ITPR1: variants seen among roughly 807,000 people sequenced by gnomAD.
ITPR1 encodes the protein inositol 1,4,5-trisphosphate-gated calcium channel ITPR1.
A neutral mutation model predicts 318.4 loss-of-function variants in ITPR1; 96 were observed. The ratio of observed to expected loss-of-function variants is 0.30; its 90% confidence interval spans 0.26 to 0.36. The LOEUF (loss-of-function observed/expected upper bound fraction) is 0.36, where lower values mean the gene tolerates loss of function less well. Ranked by LOEUF, ITPR1 falls within the 10% of genes least tolerant of loss-of-function variation. The pLI, the probability that ITPR1 is intolerant of heterozygous loss-of-function variation, is 1.00. For missense variants in ITPR1, 2,440 were observed against 3,460.2 expected (o/e 0.71, Z 7.40); for synonymous variants, 1,312 against 1,289.9 (o/e 1.02, Z -0.37).
At chr3:4,667,573 C>G (rs1449807426) in intron 18 of ITPR1, 24 bp downstream of exon 18, 1 of 1,598,460 alleles carries the variant, frequency 6.3e-7, no homozygotes, top group Admixed American at 1.7e-5. Context: ...GGGGTCCATG[C>G]AGGATGGTGT....
At chr3:4,735,750 A>G (rs11921036) in intron 44 of ITPR1, 28,108 of 175,054 alleles carry the variant, frequency 0.16, 2,395 homozygotes, top group African/African-American at 0.2. Flanking sequence ...TGTGTGTGCT[A>G]TTTAGAAGAT....
intron 60 of ITPR1, among the ~76,000 whole-genome samples, chr3:4,835,935 A>G (rs1485641055): frequency 1.3e-5 from 2 of 152,200 alleles, no homozygotes; most frequent in Non-Finnish European, 2.9e-5. Flanking sequence ...AGTTGCCAGC[A>G]CCCATCAACC....
At chr3:4,534,843 G>T (rs2083716596) in intron 4 of ITPR1, among the ~76,000 whole-genome samples, 1 of 152,182 alleles carries the variant, frequency 6.6e-6, no homozygotes, top group Admixed American at 6.5e-5. Flanking sequence ...CCAGAATCGT[G>T]GCATTTGAGG....
At chr3:4,839,053 C>G (rs567836317) in intron 61 of ITPR1, among the ~76,000 whole-genome samples, 1 of 152,190 alleles carries the variant, frequency 6.6e-6, no homozygotes, top group African/African-American at 2.4e-5. Flanking sequence ...TAGTGCCGGG[C>G]GTGGTGGCTC....
intron 35 of ITPR1, among the ~76,000 whole-genome samples, chr3:4,702,545 G>A (rs1056198733): frequency 6.6e-6 from 1 of 152,196 alleles, no homozygotes; most frequent in African/African-American, 2.4e-5. Context: ...TTGAACTGTG[G>A]ATCCATTGCT....
At chr3:4,558,098 C>G (rs1370193707) in intron 4 of ITPR1, among the ~76,000 whole-genome samples, 1 of 152,148 alleles carries the variant, frequency 6.6e-6, no homozygotes. Context: ...AAAATTGGAA[C>G]GTATGCTTAA....
At chr3:4,678,271 C>G (rs2094224096) in intron 24 of ITPR1, among the ~76,000 whole-genome samples, 1 of 151,996 alleles carries the variant, frequency 6.6e-6, no homozygotes, top group African/African-American at 2.4e-5. Context: ...TTTTTTAAAA[C>G]TTTATTTTTT....
Position 4,806,230 on chromosome 3 carries a change from T to C in ITPR1, c.7235T>C (p.Met2412Thr). The change falls in exon 55 of 62, where the codon ATG (methionine) becomes ACG (threonine). Residue 2412 changes from methionine (M) to threonine (T), a missense_variant. By Grantham distance (81) the Met-to-Thr change is moderately conservative. Transcript: ENST00000649015. ...YHLLYLVICA[M>T]GLFVHEFFYS... ...TTGTTGTATCTGGTGATCTGTGCCA[T>C]GGGGCTCTTTGTCCATGAATTCTTC... The C allele has an allele frequency of 6.2e-7, 1 of 1,614,076 alleles. No individual in the cohort carries two copies. The highest frequency in any genetic ancestry group is 8.5e-7 in the Non-Finnish European group (1 of 1,179,888).
intron 44 of ITPR1, among the ~76,000 whole-genome samples, chr3:4,753,097 G>C (rs926072984): frequency 1.3e-5 from 2 of 152,212 alleles, no homozygotes; most frequent in Non-Finnish European, 2.9e-5. Context: ...GAGTAGCAGA[G>C]GGCAAGAGTA....
intron 23 of ITPR1, 44 bp downstream of exon 23, chr3:4,675,292 G>C (rs778170655): frequency 3.5e-6 from 5 of 1,425,806 alleles, no homozygotes; most frequent in Non-Finnish European, 4.9e-6. Context: ...ATGCCCTCCA[G>C]CCTTTCCTGT....
intron 46 of ITPR1, among the ~76,000 whole-genome samples, chr3:4,772,172 C>T (rs1041252921): frequency 7.2e-5 from 11 of 152,230 alleles, no homozygotes; most frequent in African/African-American, 2.4e-4. Context: ...CATTCTGTGG[C>T]AATATCCCAG....
chr3:4,831,639 A>G (rs1338639732), intron 60 of ITPR1, among the ~76,000 whole-genome samples: 1 of 152,202 alleles, frequency 6.6e-6, no homozygotes, highest in Non-Finnish European at 1.5e-5. Context: ...ACTTTTCCAA[A>G]AATCCATTAG....
chr3:4,616,463 TTC>T (rs1192025743), intron 4 of ITPR1, among the ~76,000 whole-genome samples: 9 of 152,256 alleles, frequency 5.9e-5, no homozygotes, highest in Admixed American at 5.2e-4. Context: ...GAAATTTTTA[TTC>T]TCTTTCCTCT....
chr3:4,654,714 GA>G (rs1319549487), intron 12 of ITPR1, among the ~76,000 whole-genome samples: 1 of 152,224 alleles, frequency 6.6e-6, no homozygotes, highest in Non-Finnish European at 1.5e-5. Context: ...TTTTGAAAAA[GA>G]AATGGAGGGA....
chr3:4,818,086 G>A lies in ITPR1; in HGVS notation c.7872G>A (p.Leu2624=), dbSNP rs780714476. 5.0e-6 allele frequency: 8 copies of A among 1,597,378 alleles called. No homozygotes were observed. The Admixed American group carries it at 1.0e-4, about 20-fold the overall frequency. ...ILKTTCFICG[L]ERDKFDNKTV... is the part of the protein sequence containing the mutation. ...GGCTTTTTGTCTCATTTTTAGGCTT[G>A]GAAAGAGACAAGTTTGACAACAAGA... Residue 2624 remains leucine (L), a synonymous_variant, in exon 60 of 62, where the codon TTG becomes TTA. Coordinates refer to ENST00000649015, the MANE Select transcript of ITPR1 (RefSeq NM_001378452.1).
chr3:4,705,065 G>C (rs547211434), intron 36 of ITPR1, among the ~76,000 whole-genome samples: 8 of 152,018 alleles, frequency 5.3e-5, no homozygotes, highest in African/African-American at 1.9e-4. Flanking sequence ...TTAAATAATT[G>C]CTTCTCAGAT....
At position 4,733,116 on chromosome 3, in the gene ITPR1, A is replaced by T. The variant is rs1405881173; in HGVS notation, c.5249A>T (p.Asn1750Ile). 6.2e-7 allele frequency: 1 copy of T among 1,613,646 alleles called. No homozygotes were observed. The highest frequency in any genetic ancestry group is 1.6e-4 in the Middle Eastern group (1 of 6,062). The change falls in exon 43 of 62, where the codon AAC becomes ATC. Residue 1750 changes from asparagine (N) to isoleucine (I), a missense_variant. Asn to Ile is a moderately radical substitution (Grantham distance 149). Around this residue, in one of 23 missense-constraint regions of ITPR1, gnomAD observed 166 missense variants for 143.7 expected, o/e 1.16. Transcript: ENST00000649015. Reference protein sequence around the residue: ...RGEALRQVLVNRYYGNVRPSG... With the variant: ...RGEALRQVLVIRYYGNVRPSG... Reference sequence around the variant, plus strand: ...GAGGCGCTCAGGCAAGTTCTGGTCAACCGTTACTATGGAAACGTCAGACCT... The same window carrying T: ...GAGGCGCTCAGGCAAGTTCTGGTCATCCGTTACTATGGAAACGTCAGACCT...
At chr3:4,732,961 A>G in intron 42 of ITPR1, 127 bp from the exon 43 acceptor site, 1 of 910,320 alleles carries the variant, frequency 1.1e-6, no homozygotes, top group Non-Finnish European at 1.7e-6. Context: ...GCTTCCATGA[A>G]TAATTTATTC....
intron 44 of ITPR1, among the ~76,000 whole-genome samples, chr3:4,757,369 G>A (rs1056928586): frequency 6.6e-6 from 1 of 152,208 alleles, no homozygotes; most frequent in African/African-American, 2.4e-5. Context: ...TGTATTAAAC[G>A]TCATGGGAAA....
Sources: gnomAD v4.1 joint callset for allele counts (sites outside exome capture counted in the v4.1 genomes callset) on GRCh38, gnomAD v4.1.1 for gene constraint, gnomAD v4.1.1 regional missense constraint, MANE v1.5 for transcripts, NCBI Gene and HGNC (gene_info 2026-07-23, HGNC 2026-07-21) for gene names.